The following RTN1 variants were observed in gnomAD, a reference collection of about 807,000 sequenced individuals.
RTN1 encodes the protein reticulon-1.
RTN1 carries 25 observed loss-of-function variants against 65.5 expected under a neutral mutation model. That is an observed-to-expected ratio of 0.38 (90% confidence interval 0.28 to 0.53). The LOEUF (loss-of-function observed/expected upper bound fraction) is 0.53, where lower values mean the gene tolerates loss of function less well. RTN1 is among the 20% of genes least tolerant of loss of function. The pLI, the probability that RTN1 is intolerant of heterozygous loss-of-function variation, is 0.79. For synonymous variants in RTN1, 471 were observed against 447.6 expected, an observed-to-expected ratio of 1.05 and a Z score of -0.66; for missense variants, 983 against 1,025.4, an observed-to-expected ratio of 0.96 and a Z score of 0.57.
At chr14:59,824,777 T>A (rs180677295) in intron 1 of RTN1, among the ~76,000 whole-genome samples, 1 of 152,254 alleles carries the variant, frequency 6.6e-6, no homozygotes, top group Non-Finnish European at 1.5e-5. Context: ...CTTTTTAATA[T>A]CTTATTTGCC....
chr14:59,806,948 G>T (rs948654274), intron 1 of RTN1, among the ~76,000 whole-genome samples: 4 of 152,216 alleles, frequency 2.6e-5, no homozygotes, highest in African/African-American at 9.6e-5. Context: ...TTAAGTCTCA[G>T]ATTTGGCTGC....
At chr14:59,685,566 C>T (rs189828724) in intron 3 of RTN1, among the ~76,000 whole-genome samples, 50 of 152,086 alleles carry the variant, frequency 3.3e-4, no homozygotes, top group South Asian at 4.2e-4. Flanking sequence ...TTCCCCTTTA[C>T]AATAACTACA....
chr14:59,672,191 C>T (rs1228601374), intron 3 of RTN1, among the ~76,000 whole-genome samples: 1 of 152,046 alleles, frequency 6.6e-6, no homozygotes, highest in East Asian at 1.9e-4. Context: ...AGGTTTGTCA[C>T]CAGGAAAAAT....
chr14:59,796,089 A>T (rs982903523), intron 1 of RTN1, among the ~76,000 whole-genome samples: 6 of 152,210 alleles, frequency 3.9e-5, no homozygotes, highest in Non-Finnish European at 5.9e-5. Flanking sequence ...TATGAACCAA[A>T]TATACAGCAG....
chr14:59,604,500 C>T (rs1450412742), intron 5 of RTN1: 1 of 152,498 alleles, frequency 6.6e-6, no homozygotes, highest in Non-Finnish European at 1.5e-5. Flanking sequence ...CAAATACAAC[C>T]ATGGCCTTAA....
At chr14:59,818,433 C>G (rs1209266351) in intron 1 of RTN1, among the ~76,000 whole-genome samples, 1 of 152,222 alleles carries the variant, frequency 6.6e-6, no homozygotes, top group Non-Finnish European at 1.5e-5. Context: ...AGAATGGAAT[C>G]CTCTTCAACT....
intron 2 of RTN1, among the ~76,000 whole-genome samples, chr14:59,730,009 T>G (rs1884866321): frequency 6.6e-6 from 1 of 152,230 alleles, no homozygotes. Context: ...CTAGGGGTAG[T>G]AACAGCTCCC....
chr14:59,734,775 A>C (rs901833790), intron 2 of RTN1, among the ~76,000 whole-genome samples: 6 of 152,256 alleles, frequency 3.9e-5, no homozygotes, highest in Non-Finnish European at 5.9e-5. Flanking sequence ...GGTACCTGAA[A>C]GAGATGGGGA....
Position 59,728,249 on chromosome 14 carries a change from C to CTTTTT in RTN1, c.1016-586_1016-582dup, listed in dbSNP as rs200434592. Among the ~76,000 whole-genome samples, 51 of 124,186 alleles carry CTTTTT rather than the reference C, an allele frequency of 4.1e-4. 2 individuals carry two copies. The highest frequency in any genetic ancestry group is 1.2e-3 in the African/African-American group (42 of 33,628). 81.5% of individuals were successfully genotyped at this position (124,186 alleles called of 152,430 possible). On this transcript the variant is annotated intron_variant, in intron 2 of 8. Transcript: ENST00000267484. ...TTATATTTCCAATAAGAATCAGTAT[C>CTTTTT]TTTTTTTTTTTTTTTTTTTTTTTTT...
At position 59,731,364 on chromosome 14, in the gene RTN1, G is replaced by T. The variant is rs181433579; in HGVS notation, c.1016-3696C>A. On this transcript the variant is annotated intron_variant, in intron 2 of 8. Coordinates refer to ENST00000267484, the MANE Select transcript of RTN1 (RefSeq NM_021136.3). Reference sequence around the variant, plus strand: ...TGGGGAGATTTGGAGGGTGAGAAAAGGGGGTGCAGGGTTTCTTTTTGGGGT... The same window carrying T: ...TGGGGAGATTTGGAGGGTGAGAAAATGGGGTGCAGGGTTTCTTTTTGGGGT... Among the ~76,000 whole-genome samples the T allele has an allele frequency of 2.4e-4, 36 of 152,260 alleles. No homozygotes were observed. The East Asian group carries it at 5.8e-3, about 24-fold the overall frequency.
chr14:59,724,740 C>T (rs1884722666), intron 3 of RTN1, among the ~76,000 whole-genome samples: 2 of 146,008 alleles, frequency 1.4e-5, no homozygotes, highest in East Asian at 4.0e-4. Context: ...AAAAAAAAAA[C>T]AGCCTGGGGA....
intron 3 of RTN1, among the ~76,000 whole-genome samples, chr14:59,719,146 T>G (rs537415007): frequency 1.3e-5 from 2 of 152,350 alleles, no homozygotes; most frequent in African/African-American, 4.8e-5. Flanking sequence ...CTTCTTAGAA[T>G]GCTTAGGAAA....
intron 1 of RTN1, among the ~76,000 whole-genome samples, chr14:59,811,906 C>T (rs1886736196): frequency 6.6e-6 from 1 of 152,144 alleles, no homozygotes. Context: ...CAGACTAATT[C>T]CTTCCCAGAC....
chr14:59,799,774 C>T (rs1394683312), intron 1 of RTN1, among the ~76,000 whole-genome samples: 3 of 152,148 alleles, frequency 2.0e-5, no homozygotes, highest in Non-Finnish European at 4.4e-5. Context: ...ACAGACTCTT[C>T]TCTCCTAGGA....
intron 3 of RTN1, among the ~76,000 whole-genome samples, chr14:59,674,616 A>C (rs1883583333): frequency 6.6e-6 from 1 of 152,242 alleles, no homozygotes; most frequent in African/African-American, 2.4e-5. Flanking sequence ...ACGGCATTCA[A>C]AGAAAGAAAC....
At chr14:59,602,656 G>T (rs1430604241) in intron 8 of RTN1, among the ~76,000 whole-genome samples, 1 of 152,088 alleles carries the variant, frequency 6.6e-6, no homozygotes, top group African/African-American at 2.4e-5. Context: ...TAATTTAAAT[G>T]ATTTTTAAAA....
At chr14:59,607,590 C>T in intron 3 of RTN1, 98 bp from the exon 4 acceptor site, 1 of 996,292 alleles carries the variant, frequency 1.0e-6, no homozygotes, top group Non-Finnish European at 1.5e-6. Context: ...TGTGGGTTCT[C>T]ACCTGGCATC....
At position 59,669,069 on chromosome 14, in the gene RTN1, T is replaced by A. The variant is rs368356873; in HGVS notation, c.1765+57850A>T. The stretch of plus-strand genomic sequence containing the variant: ...TGGCGATTCCTCAAGGATCTAGAAC[T>A]AGAATTACCATTTGACCCAGCAATC... On this transcript the variant is annotated intron_variant, in intron 3 of 8. Coordinates refer to ENST00000267484, the MANE Select transcript of RTN1 (RefSeq NM_021136.3). 1.2e-4 allele frequency among the ~76,000 whole-genome samples: 18 copies of A among 152,248 alleles called. 2 individuals carry two copies. Among genetic ancestry groups the A allele is most frequent in the Admixed American group, 7.2e-4 (11 of 15,298 alleles).
Position 59,725,241 on chromosome 14 carries a change from C to G in RTN1, c.1765+1678G>C, listed in dbSNP as rs1314374896. The stretch of plus-strand genomic sequence containing the variant: ...TCTCTCAATAGGCCTGCAAAGTTCC[C>G]TTTTCTCTTTAGCCCTCAGATTTAT... On this transcript the variant is annotated intron_variant, in intron 3 of 8. Transcript: ENST00000267484. 9.3e-4 allele frequency among the ~76,000 whole-genome samples: 142 copies of G among 152,226 alleles called. 2 individuals carry two copies. The highest frequency in any genetic ancestry group is 1.0e-4 in the Non-Finnish European group (7 of 68,034).
Sources: gnomAD v4.1 joint callset for allele counts (sites outside exome capture counted in the v4.1 genomes callset) on GRCh38, gnomAD v4.1.1 for gene constraint, MANE v1.5 for transcripts, NCBI Gene and HGNC (gene_info 2026-07-23, HGNC 2026-07-21) for gene names.